MORC4: variants seen among roughly 807,000 people sequenced by gnomAD.
MORC4 encodes MORC family CW-type zinc finger protein 4.
A neutral mutation model predicts 65.5 loss-of-function variants in MORC4; 22 were observed. The ratio of observed to expected loss-of-function variants is 0.34; its 90% CI spans 0.24 to 0.48. The LOEUF (loss-of-function observed/expected upper bound fraction) is 0.48. Among genes scored for constraint, MORC4 ranks in the 20% least tolerant of loss-of-function variants. MORC4 has a pLI of 0.99. For synonymous variants in MORC4, 267 were observed against 255.8 expected, an observed-to-expected ratio of 1.04 and a Z score of -0.42; for missense variants, 624 against 703.0, an observed-to-expected ratio of 0.89 and a Z score of 1.27.
Position 106,958,477 on chromosome X carries a change from A to G in MORC4, c.1257-13T>C. The G allele has an allele frequency of 8.3e-7, 1 of 1,197,924 alleles. No homozygotes were observed. The highest frequency in any genetic ancestry group is 1.1e-6 in the Non-Finnish European group (1 of 888,289). On this transcript the variant is annotated splice_polypyrimidine_tract_variant and intron_variant, in intron 10 of 16. Coordinates refer to ENST00000355610, the MANE Select transcript of MORC4 (RefSeq NM_024657.5). Reference sequence around the variant, plus strand: ...GTCAGGAACCTTCCTGAATGAAGGAAAATGGAAGTGTGACTGTGTATATCT... The same window carrying G: ...GTCAGGAACCTTCCTGAATGAAGGAGAATGGAAGTGTGACTGTGTATATCT...
At chrX:106,956,391 A>G (rs897086512) in intron 13 of MORC4, 89 bp downstream of exon 13, 2 of 786,584 alleles carry the variant, frequency 2.5e-6, no homozygotes, top group African/African-American at 4.1e-5. Flanking sequence ...ATTTCTATGC[A>G]GCTTTCAAGA....
Position 106,956,539 on chromosome X carries a change from G to A in MORC4, c.1455-5C>T. 6.7e-6 allele frequency: 8 copies of A among 1,198,083 alleles called. No individual in the cohort carries two copies. Among genetic ancestry groups the A allele is most frequent in the Non-Finnish European group, 9.1e-6 (8 of 883,281 alleles). On this transcript the variant is annotated splice_polypyrimidine_tract_variant and splice_region_variant and intron_variant, in intron 12 of 16. Coordinates refer to ENST00000355610, the MANE Select transcript of MORC4 (RefSeq NM_024657.5). The stretch of plus-strand genomic sequence containing the variant: ...TTCTCCTCAACAGTTTGTTCTCTAG[G>A]AGAAGATAAAAGTGCTATTTAGTTC...
intron 2 of MORC4, among the ~76,000 whole-genome samples, chrX:106,997,796 T>C (rs1176204180): frequency 9.0e-6 from 1 of 111,484 alleles, no homozygotes; most frequent in East Asian, 2.8e-4. Context: ...CTGGAATTCC[T>C]CCCCGCCCAT....
chrX:106,998,415 A>G (rs1271091218), intron 2 of MORC4, among the ~76,000 whole-genome samples: 2 of 112,323 alleles, frequency 1.8e-5, no homozygotes, highest in African/African-American at 6.5e-5. Flanking sequence ...AATCACCTGG[A>G]AAGTACAGTA....
At chrX:106,953,531 T>C (rs1934027189) in intron 14 of MORC4, among the ~76,000 whole-genome samples, 1 of 112,212 alleles carries the variant, frequency 8.9e-6, no homozygotes, top group Non-Finnish European at 1.9e-5. Flanking sequence ...AGACTAAGGC[T>C]GGATTCTATT....
chrX:106,978,034 C>T (rs755787550), intron 8 of MORC4, 46 bp downstream of exon 8: 8 of 1,196,314 alleles, frequency 6.7e-6, no homozygotes, highest in Non-Finnish European at 9.0e-6. Context: ...AAATTCTCTT[C>T]CTACTCTTTT....
intron 14 of MORC4, among the ~76,000 whole-genome samples, chrX:106,952,997 T>C (rs953418540): frequency 3.6e-5 from 4 of 112,130 alleles, no homozygotes; most frequent in Non-Finnish European, 7.5e-5. Context: ...TATATGACAT[T>C]AGCAACAGCA....
intron 2 of MORC4, among the ~76,000 whole-genome samples, chrX:106,996,403 T>C (rs1935082811): frequency 9.1e-6 from 1 of 110,086 alleles, no homozygotes; most frequent in African/African-American, 3.3e-5. Context: ...GGTTTTGTAC[T>C]TACTTTCAGT....
intron 9 of MORC4, among the ~76,000 whole-genome samples, chrX:106,963,860 A>G (rs1405031084): frequency 9.1e-6 from 1 of 109,890 alleles, no homozygotes; most frequent in Non-Finnish European, 1.9e-5. Flanking sequence ...GCACAGAGAA[A>G]GCCTACAACA....
Position 106,943,063 on chromosome X carries a change from T to A in MORC4, c.1828A>T (p.Asn610Tyr). The A allele has an allele frequency of 8.3e-7, 1 of 1,211,315 alleles. No homozygotes were observed. The highest frequency in any genetic ancestry group is 1.7e-5 in the African/African-American group (1 of 57,687). The change falls in exon 15 of 17, where the codon AAC (asparagine) becomes TAC (tyrosine). Residue 610 changes from asparagine to tyrosine, a missense_variant. Asn to Tyr is a moderately radical substitution (Grantham distance 143). Coordinates refer to ENST00000355610, the MANE Select transcript of MORC4 (RefSeq NM_024657.5). Reference sequence around the variant, plus strand: ...TCAGAACTCGATTTATCATGGCTGTTCTCCCCTTCTGGGTAGGCAACAGGT... The same window carrying A: ...TCAGAACTCGATTTATCATGGCTGTACTCCCCTTCTGGGTAGGCAACAGGT... Reference protein sequence around the residue: ...EAPVAYPEGENSHDKSSSERS... With the variant: ...EAPVAYPEGEYSHDKSSSERS...
At chrX:106,989,589 C>T (rs1934937702) in intron 3 of MORC4, among the ~76,000 whole-genome samples, 1 of 111,924 alleles carries the variant, frequency 8.9e-6, no homozygotes, top group Non-Finnish European at 1.9e-5. Flanking sequence ...GAAAACAGCA[C>T]CAGGCACGGT....
In MORC4 at chrX:106,999,740, G is replaced by C. The variant is rs1393165487; in HGVS notation, c.112C>G (p.Arg38Gly). Residue 38 changes from arginine (R) to glycine (G), a missense_variant, in exon 2 of 17, where the codon CGC becomes GGC. By Grantham distance (125) the Arg-to-Gly change is moderately radical. Transcript: ENST00000355610. ...FGIRLSTMSP[R>G]YLQSNSSSHT... is the part of the protein sequence containing the mutation. ...CTGCTGGAGTTGCTCTGGAGGTAGC[G>C]GGGGCTCATCTGGGGGCGAGAGAAG... The C allele has an allele frequency of 4.6e-5, 51 of 1,111,605 alleles. No homozygotes were observed. The highest frequency in any genetic ancestry group is 5.8e-5 in the Non-Finnish European group (49 of 848,606). 91.6% of individuals were successfully genotyped at this position (1,111,605 alleles called of 1,213,427 possible).
At chrX:106,977,114 A>T (rs1009424374) in intron 8 of MORC4, among the ~76,000 whole-genome samples, 1 of 112,143 alleles carries the variant, frequency 8.9e-6, no homozygotes, top group African/African-American at 3.2e-5. Context: ...GTTCTGTGTG[A>T]TCCTATATTA....
At position 106,995,947 on chromosome X, in the gene MORC4, T is replaced by TA. The variant is rs763277974; in HGVS notation, c.176-2586_176-2585insT. On this transcript the variant is annotated intron_variant, in intron 2 of 16. Coordinates refer to ENST00000355610, the MANE Select transcript of MORC4 (RefSeq NM_024657.5). Reference sequence around the variant, plus strand: ...GGCAGACAACCAAAGGCACTGTGACTGATGATACAACTTGTCAATCAACTG... The same window carrying TA: ...GGCAGACAACCAAAGGCACTGTGACTAGATGATACAACTTGTCAATCAACTG... Among the ~76,000 whole-genome samples the TA allele has an allele frequency of 9.2e-4, 104 of 112,559 alleles. 1 individual carries two copies. In the South Asian group the frequency reaches 0.036, roughly 39 times the overall value.
intron 9 of MORC4, among the ~76,000 whole-genome samples, chrX:106,975,932 A>C (rs769673869): frequency 8.2e-4 from 92 of 111,854 alleles, no homozygotes; most frequent in Admixed American, 3.1e-3. Context: ...GGTATCAAAG[A>C]GTCTTATTTT....
intron 5 of MORC4, among the ~76,000 whole-genome samples, chrX:106,983,995 A>C (rs988189061): frequency 1.8e-5 from 2 of 111,992 alleles, no homozygotes; most frequent in Non-Finnish European, 3.8e-5. Context: ...TCAATTACCA[A>C]ACTTAAAAAA....
intron 14 of MORC4, among the ~76,000 whole-genome samples, chrX:106,947,190 C>T (rs768951816): frequency 5.5e-5 from 6 of 110,009 alleles, no homozygotes; most frequent in South Asian, 3.9e-4. Context: ...AATTATATTG[C>T]GATTGGAGAA....
Position 106,943,059 on chromosome X carries a change from C to T in MORC4, c.1832G>A (p.Ser611Asn). The change falls in exon 15 of 17, where the codon AGC becomes AAC. Residue 611 changes from serine to asparagine, a missense_variant. By Grantham distance (46) the Ser-to-Asn change is conservative. Transcript: ENST00000355610. ...TCTCTCAGAACTCGATTTATCATGGCTGTTCTCCCCTTCTGGGTAGGCAAC... is the reference window on the plus strand; with the variant it reads ...TCTCTCAGAACTCGATTTATCATGGTTGTTCTCCCCTTCTGGGTAGGCAAC... ...APVAYPEGEN[S>N]HDKSSSERST... The T allele has an allele frequency of 8.3e-7, 1 of 1,211,506 alleles. No individual in the cohort carries two copies. Among genetic ancestry groups the T allele is most frequent in the Non-Finnish European group, 1.1e-6 (1 of 895,361 alleles).
At chrX:106,942,394 A>G in intron 15 of MORC4, 121 bp downstream of exon 15, 3 of 866,929 alleles carry the variant, frequency 3.5e-6, no homozygotes, top group Non-Finnish European at 3.2e-6. Context: ...AACACACCAC[A>G]GAATAGTTCA....
Sources: allele counts gnomAD v4.1 joint callset (sites outside exome capture counted in the v4.1 genomes callset), GRCh38; gene constraint gnomAD v4.1.1; transcripts MANE v1.5; gene names NCBI Gene and HGNC (gene_info 2026-07-23, HGNC 2026-07-21).